The following FERRY3 variants were observed in gnomAD, a reference collection of about 807,000 sequenced individuals.
FERRY3 encodes the protein FERRY endosomal RAB5 effector complex subunit 3, also known as protein C12orf4.
At chr12:4,488,243 A>T in the FERRY3 span, 4 of 152,392 alleles carry the variant, frequency 2.6e-5, no homozygotes, top group African/African-American at 7.2e-5. This position sits in a 1 kb window ranked among gnomAD's most constrained non-coding sequence, Gnocchi z 4.9. Context: ...TGACAAAGGA[A>T]GAGTTGGGCA....
the FERRY3 span, among the ~76,000 whole-genome samples, chr12:4,519,226 A>G: frequency 1.3e-5 from 2 of 152,222 alleles, no homozygotes; most frequent in Non-Finnish European, 2.9e-5. This position sits in a 1 kb window ranked among gnomAD's most constrained non-coding sequence, Gnocchi z 4.3. Flanking sequence ...AATATATAAT[A>G]CATCCTATAC....
chr12:4,526,903 ATAAAT>A, the FERRY3 span, among the ~76,000 whole-genome samples: 101 of 152,066 alleles, frequency 6.6e-4, 3 homozygotes, highest in East Asian at 4.3e-3. Context: ...TATATATATG[ATAAAT>A]TAAATTCAAG....
At chr12:4,524,179 T>C in the FERRY3 span, among the ~76,000 whole-genome samples, 1 of 152,160 alleles carries the variant, frequency 6.6e-6, no homozygotes, top group African/African-American at 2.4e-5. Context: ...ATATACAGTA[T>C]ATATTTTACA....
the FERRY3 span, among the ~76,000 whole-genome samples, chr12:4,499,007 A>G: frequency 6.6e-6 from 1 of 152,180 alleles, no homozygotes; most frequent in Non-Finnish European, 1.5e-5. Flanking sequence ...CAGGATATGA[A>G]ATTTAAAATG....
At chr12:4,496,668 C>T in the FERRY3 span, among the ~76,000 whole-genome samples, 56 of 152,316 alleles carry the variant, frequency 3.7e-4, 1 homozygote, top group Middle Eastern at 3.4e-3. Flanking sequence ...CTAAAGCTCA[C>T]TGTTACTCAA....
At chr12:4,526,218 A>G in the FERRY3 span, among the ~76,000 whole-genome samples, 9 of 152,178 alleles carry the variant, frequency 5.9e-5, no homozygotes, top group African/African-American at 2.2e-4. Flanking sequence ...TTTATGAGGG[A>G]AAGGGTAAAG....
the FERRY3 span, among the ~76,000 whole-genome samples, chr12:4,534,645 C>T: frequency 6.6e-6 from 1 of 152,162 alleles, no homozygotes; most frequent in African/African-American, 2.4e-5. Context: ...TCAAGTGATT[C>T]ACCTGCCTTA....
the FERRY3 span, among the ~76,000 whole-genome samples, chr12:4,513,932 G>T: frequency 4.6e-5 from 7 of 151,812 alleles, no homozygotes; most frequent in Admixed American, 4.6e-4. Flanking sequence ...CACAGCAAAA[G>T]AAACTACCAT....
At chr12:4,509,620 A>C in the FERRY3 span, among the ~76,000 whole-genome samples, 1 of 142,732 alleles carries the variant, frequency 7.0e-6, no homozygotes, top group African/African-American at 2.9e-5. Context: ...ACTGGGAGGC[A>C]CCCCCCGGCA....
the FERRY3 span, among the ~76,000 whole-genome samples, chr12:4,492,716 T>C: frequency 0.029 from 4,375 of 152,240 alleles, 229 homozygotes; most frequent in East Asian, 0.21. Flanking sequence ...GCTTCCTATC[T>C]AGTGTCCTGA....
At chr12:4,494,121 C>G in the FERRY3 span, among the ~76,000 whole-genome samples, 9 of 151,914 alleles carry the variant, frequency 5.9e-5, no homozygotes, top group African/African-American at 2.2e-4. Flanking sequence ...TAAATGTCTA[C>G]CGCTACGGAG....
the FERRY3 span, among the ~76,000 whole-genome samples, chr12:4,528,804 AG>A: frequency 6.6e-6 from 1 of 151,772 alleles, no homozygotes; most frequent in Non-Finnish European, 1.5e-5. Flanking sequence ...TCATCTTGCT[AG>A]CCTTACTGTA....
chr12:4,505,091 C>T, the FERRY3 span, among the ~76,000 whole-genome samples: 1 of 152,116 alleles, frequency 6.6e-6, no homozygotes. Flanking sequence ...GGCGACAGAA[C>T]GAGGCTTCGT....
At chr12:4,498,408 C>T in the FERRY3 span, among the ~76,000 whole-genome samples, 2 of 152,086 alleles carry the variant, frequency 1.3e-5, no homozygotes, top group African/African-American at 4.8e-5. Context: ...GGAACTAAAA[C>T]TTTATAAAGC....
the FERRY3 span, among the ~76,000 whole-genome samples, chr12:4,512,366 G>C: frequency 6.6e-6 from 1 of 152,176 alleles, no homozygotes; most frequent in Non-Finnish European, 1.5e-5. Flanking sequence ...TAGGAAAAGA[G>C]GGAATCCTCC....
At chr12:4,525,011 T>TAAATACTTA in the FERRY3 span, 1 of 361,150 alleles carries the variant, frequency 2.8e-6, no homozygotes, top group African/African-American at 2.1e-5. Context: ...TTTAAGTATT[T>TAAATACTTA]AGGTGTATGT....
At chr12:4,494,756 GTAAGTTCT>G in the FERRY3 span, among the ~76,000 whole-genome samples, 2 of 152,182 alleles carry the variant, frequency 1.3e-5, no homozygotes, top group African/African-American at 4.8e-5. Context: ...ATTAGTTAGT[GTAAGTTCT>G]TTAACTTTGT....
the FERRY3 span, chr12:4,502,445 C>T: frequency 2.2e-6 from 1 of 449,636 alleles, no homozygotes; most frequent in Non-Finnish European, 4.4e-6. This position sits in a 1 kb window ranked among gnomAD's most constrained non-coding sequence, Gnocchi z 4.2. Flanking sequence ...GCTCTACAAG[C>T]CAAGAAAAAT....
the FERRY3 span, among the ~76,000 whole-genome samples, chr12:4,525,822 ATG>A: frequency 6.6e-6 from 1 of 152,220 alleles, no homozygotes; most frequent in Admixed American, 6.5e-5. Flanking sequence ...TTTCATCTAA[ATG>A]TATTGCACAG....
Sources: gnomAD v4.1 joint callset for allele counts (sites outside exome capture counted in the v4.1 genomes callset) on GRCh38, gnomAD v4.1.1 for gene constraint, Gnocchi (gnomAD v3.1) non-coding constraint, MANE v1.5 for transcripts, NCBI Gene and HGNC (gene_info 2026-07-23, HGNC 2026-07-21) for gene names.